Variants in MTMR14 observed in about 807,000 individuals in gnomAD.
The protein encoded by MTMR14 is myotubularin related protein 14, also known as phosphatidylinositol-3,5-bisphosphate 3-phosphatase MTMR14.
A neutral mutation model predicts 86.3 loss-of-function variants in MTMR14; 48 were observed. That is an observed-to-expected ratio of 0.56 (90% CI 0.44 to 0.71). The LOEUF is 0.71. Ranked by LOEUF, MTMR14 falls within the 30% of genes least tolerant of loss-of-function variation. MTMR14 has a pLI of 0.00. For missense variants in MTMR14, 780 were observed against 834.6 expected (o/e 0.93, Z 0.81); for synonymous variants, 366 against 326.1 (o/e 1.12, Z -1.32).
At chr3:9,696,066 A>T (rs1266872315) in intron 17 of MTMR14, among the ~76,000 whole-genome samples, 3 of 152,236 alleles carry the variant, frequency 2.0e-5, no homozygotes, top group Non-Finnish European at 4.4e-5. Context: ...AGAGTTTAGC[A>T]GGAATGATGA....
chr3:9,662,707 G>C (rs2048011325), intron 3 of MTMR14, among the ~76,000 whole-genome samples: 11 of 152,094 alleles, frequency 7.2e-5, no homozygotes, highest in Admixed American at 7.2e-4. Flanking sequence ...AAGGTTTGTG[G>C]ATTAGATTAA....
chr3:9,668,616 C>T (rs1156291558), intron 3 of MTMR14, 103 bp from the exon 4 acceptor site: 10 of 1,210,628 alleles, frequency 8.3e-6, no homozygotes. Context: ...TGCTCCTGGG[C>T]CCGTTATGCT....
Position 9,677,856 on chromosome 3 carries a change from C to G in MTMR14, c.823-128C>G. ...TTTAAGCTGTCACTCCCAGGTAGCA[C>G]AGGTATCTGGCCCAGAGAAGGCAAG... On this transcript the variant is annotated intron_variant, in intron 8 of 18. Coordinates refer to ENST00000296003, the MANE Select transcript of MTMR14 (RefSeq NM_001077525.3). The surrounding 1 kb of genome is among the most constrained non-coding windows in gnomAD (Gnocchi z 4.2). 1.3e-6 allele frequency: 1 copy of G among 747,238 alleles called. No individual in the cohort carries two copies. The allele number at this position is 747,238 out of a possible 1,614,324, so 46.3% of individuals were successfully genotyped here. A position where few individuals can be genotyped will look rare whatever the true frequency, so the allele number is the denominator to read the frequency against.
At chr3:9,674,732 A>G (rs2125166669) in intron 7 of MTMR14, among the ~76,000 whole-genome samples, 2 of 152,358 alleles carry the variant, frequency 1.3e-5, no homozygotes, top group East Asian at 3.9e-4. Flanking sequence ...AAGTAAAGGA[A>G]AATGTGCTTA....
chr3:9,669,419 G>A lies in MTMR14; in HGVS notation c.494-13G>A, dbSNP rs534084343. The A allele has an allele frequency of 6.2e-7, 1 of 1,613,742 alleles. No homozygotes were observed. The highest frequency in any genetic ancestry group is 2.2e-5 in the East Asian group (1 of 44,860). Reference sequence around the variant, plus strand: ...CACCAGCCTCAGTACTGACAGATAGGTTTCTCTGGCAGGGGGTGCAGATGA... The same window carrying A: ...CACCAGCCTCAGTACTGACAGATAGATTTCTCTGGCAGGGGGTGCAGATGA... On this transcript the variant is annotated splice_polypyrimidine_tract_variant and intron_variant, in intron 4 of 18. Transcript: ENST00000296003.
chr3:9,690,761 C>G (rs2125330507), intron 17 of MTMR14, among the ~76,000 whole-genome samples: 1 of 152,336 alleles, frequency 6.6e-6, no homozygotes, highest in Non-Finnish European at 1.5e-5. Flanking sequence ...CTACCACTTT[C>G]ATACTCCCAT....
chr3:9,672,747 T>C lies in MTMR14; in HGVS notation c.740T>C (p.Ile247Thr). The C allele has an allele frequency of 1.2e-6, 2 of 1,614,126 alleles. No individual in the cohort carries two copies. Among genetic ancestry groups the C allele is most frequent in the Non-Finnish European group, 1.7e-6 (2 of 1,180,010 alleles). The change falls in exon 7 of 19, where the codon ATC becomes ACC. Residue 247 changes from isoleucine to threonine, a missense_variant. By Grantham distance (89) the Ile-to-Thr change is moderately conservative. Transcript: ENST00000296003. ...QRYADFTLLS[I>T]PYPGCEFFKE... Reference sequence around the variant, plus strand: ...TATGCCGACTTCACTCTCCTCTCCATCCCGTATCCAGGTAGGGGGCTCTCT... The same window carrying C: ...TATGCCGACTTCACTCTCCTCTCCACCCCGTATCCAGGTAGGGGGCTCTCT...
rs2125317395 is a variant in MTMR14, at chr3:9,689,119, T to A, written c.1433+37T>A. On this transcript the variant is annotated intron_variant, in intron 16 of 18. Transcript: ENST00000296003. ...GACTTGGACCAAGGTCACTCACAGC[T>A]GTGGCCCGGGGCCATCAGCACCAGG... The A allele has an allele frequency of 1.9e-6, 3 of 1,603,170 alleles. No individual in the cohort carries two copies. In the South Asian group the frequency reaches 3.3e-5, roughly 18 times the overall value.
Position 9,677,559 on chromosome 3 carries a change from G to C in MTMR14, c.822+172G>C, listed in dbSNP as rs1213792485. On this transcript the variant is annotated intron_variant, in intron 8 of 18. Coordinates refer to ENST00000296003, the MANE Select transcript of MTMR14 (RefSeq NM_001077525.3). This position sits in a 1 kb window ranked among gnomAD's most constrained non-coding sequence, Gnocchi z 4.2. Reference sequence around the variant, plus strand: ...CTCCCTCTTCTCCTTGTATATACTTGTTAAATTTTCATCATTATACTTTCC... The same window carrying C: ...CTCCCTCTTCTCCTTGTATATACTTCTTAAATTTTCATCATTATACTTTCC... 6.6e-6 allele frequency among the ~76,000 whole-genome samples: 1 copy of C among 151,822 alleles called. No individual in the cohort carries two copies. Among genetic ancestry groups the C allele is most frequent in the Non-Finnish European group, 1.5e-5 (1 of 67,986 alleles).
intron 9 of MTMR14, 100 bp from the exon 10 acceptor site, chr3:9,683,078 G>A: frequency 9.4e-7 from 1 of 1,058,680 alleles, no homozygotes; most frequent in South Asian, 1.4e-5. Context: ...AGGACCTTGT[G>A]TAGTTGTTGC....
intron 17 of MTMR14, among the ~76,000 whole-genome samples, chr3:9,692,452 T>A (rs2125346397): frequency 6.6e-6 from 1 of 152,372 alleles, no homozygotes; most frequent in South Asian, 2.1e-4. Flanking sequence ...TCTGATTAAG[T>A]TGCATTTCTG....
At position 9,688,545 on chromosome 3, in the gene MTMR14, C is replaced by T. The variant is rs1352608693; in HGVS notation, c.1236-151C>T. 4 of 845,576 alleles carry T rather than the reference C, an allele frequency of 4.7e-6. No individual in the cohort carries two copies. In the African/African-American group the frequency reaches 6.7e-5, roughly 14 times the overall value. 52.4% of individuals were successfully genotyped at this position (845,576 alleles called of 1,614,324 possible). A position where few individuals can be genotyped will look rare whatever the true frequency, so the allele number is the denominator to read the frequency against. ...TGCAGCGTGGGTCCCAGAAGTGGCCCTGGTGTCTTATAACACTCCCTAGGC... is the reference window on the plus strand; with the variant it reads ...TGCAGCGTGGGTCCCAGAAGTGGCCTTGGTGTCTTATAACACTCCCTAGGC... On this transcript the variant is annotated intron_variant, in intron 14 of 18. Transcript: ENST00000296003.
At position 9,691,525 on chromosome 3, in the gene MTMR14, C is replaced by A. The variant is rs536272460; in HGVS notation, c.1613+1382C>A. Among the ~76,000 whole-genome samples, 3 of 152,312 alleles carry A rather than the reference C, an allele frequency of 2.0e-5. No individual in the cohort carries two copies. The South Asian group carries it at 6.2e-4, about 32-fold the overall frequency. ...CATTGCTGAACAACTAGGGAGGAAACCAGAGGTTCCTCTTGTCCTCTGGGT... is the reference window on the plus strand; with the variant it reads ...CATTGCTGAACAACTAGGGAGGAAAACAGAGGTTCCTCTTGTCCTCTGGGT... On this transcript the variant is annotated intron_variant, in intron 17 of 18. Transcript: ENST00000296003.
At chr3:9,688,578 C>G (rs944814295) in intron 14 of MTMR14, 118 bp from the exon 15 acceptor site, 60 of 1,150,768 alleles carry the variant, frequency 5.2e-5, no homozygotes, top group Non-Finnish European at 7.4e-5. Flanking sequence ...GGCTAGGACC[C>G]GTCTCCACAA....
At position 9,688,685 on chromosome 3, in the gene MTMR14, T is replaced by C. The variant is rs1201008284; in HGVS notation, c.1236-11T>C. 6.2e-7 allele frequency: 1 copy of C among 1,614,000 alleles called. No homozygotes were observed. The highest frequency in any genetic ancestry group is 1.7e-5 in the Admixed American group (1 of 60,000). On this transcript the variant is annotated splice_polypyrimidine_tract_variant and intron_variant, in intron 14 of 18. Transcript: ENST00000296003. ...AGATCTGGAATTTACTGCTCCGGCT[T>C]CCATTTCTAGGAGGAAGAGTTTGCC... is the stretch of plus-strand genomic sequence containing the variant.
chr3:9,656,291 A>G (rs1202736375), intron 2 of MTMR14, among the ~76,000 whole-genome samples: 1 of 152,210 alleles, frequency 6.6e-6, no homozygotes, highest in Admixed American at 6.5e-5. Flanking sequence ...TCACAGAAAC[A>G]GTATTACATC....
chr3:9,688,993 G>A lies in MTMR14; in HGVS notation c.1344G>A (p.Leu448=), dbSNP rs202219013. ...CCAGCCTTGGCAGCGACTTCTCCCTGGTCATGGAGAGTTCCCCAGGAGCCA... is the reference window on the plus strand; with the variant it reads ...CCAGCCTTGGCAGCGACTTCTCCCTAGTCATGGAGAGTTCCCCAGGAGCCA... ...STTSLGSDFS[L]VMESSPGATG... Residue 448 remains leucine, a synonymous_variant, in exon 16 of 19, where the codon CTG becomes CTA. Transcript: ENST00000296003. 3.7e-5 allele frequency: 59 copies of A among 1,613,992 alleles called. No individual in the cohort carries two copies. The East Asian group carries it at 1.1e-3, about 29-fold the overall frequency.
intron 12 of MTMR14, 95 bp from the exon 13 acceptor site, chr3:9,685,095 TCAGGCCCCACCTGCCACGCTG>T: frequency 2.6e-6 from 4 of 1,513,622 alleles, no homozygotes; most frequent in Non-Finnish European, 2.8e-6. Context: ...AAGCTGCTGA[TCAGGCCCCACCTGCCACGCTG>T]GTGCCAGTGA....
In MTMR14 at chr3:9,677,257, C is replaced by T. The variant is rs1575013531; in HGVS notation, c.752-60C>T. 7 of 1,509,546 alleles carry T rather than the reference C, an allele frequency of 4.6e-6. No individual in the cohort carries two copies. The highest frequency in any genetic ancestry group is 6.4e-6 in the Non-Finnish European group (7 of 1,085,948). 93.5% of individuals were successfully genotyped at this position (1,509,546 alleles called of 1,614,324 possible). A position where few individuals can be genotyped will look rare whatever the true frequency, so the allele number is the denominator to read the frequency against. On this transcript the variant is annotated intron_variant, in intron 7 of 18. Coordinates refer to ENST00000296003, the MANE Select transcript of MTMR14 (RefSeq NM_001077525.3). The surrounding 1 kb of genome is among the most constrained non-coding windows in gnomAD (Gnocchi z 4.2). Reference sequence around the variant, plus strand: ...CTCAGGGACCTGGGTCTGGCCAGGGCTGTCTCAGAAGACTTTGGGCTGGGA... The same window carrying T: ...CTCAGGGACCTGGGTCTGGCCAGGGTTGTCTCAGAAGACTTTGGGCTGGGA...
Sources: gnomAD v4.1 joint callset for allele counts (sites outside exome capture counted in the v4.1 genomes callset) on GRCh38, gnomAD v4.1.1 for gene constraint, Gnocchi (gnomAD v3.1) non-coding constraint, MANE v1.5 for transcripts, NCBI Gene and HGNC (gene_info 2026-07-23, HGNC 2026-07-21) for gene names.